PTPRN2: variants seen among roughly 807,000 people sequenced by gnomAD.
PTPRN2 encodes protein tyrosine phosphatase receptor type N2, also known as receptor-type tyrosine-protein phosphatase N2.
A neutral mutation model predicts 118.8 loss-of-function variants in PTPRN2; 74 were observed. That is an observed-to-expected ratio of 0.62 (90% CI 0.52 to 0.76). PTPRN2 has a LOEUF of 0.76. PTPRN2 is among the 30% of genes least tolerant of loss of function. PTPRN2 has a pLI of 0.00. For synonymous variants in PTPRN2, 641 were observed against 608.0 expected, an observed-to-expected ratio of 1.05 and a Z score of -0.80; for missense variants, 1,481 against 1,394.4, an observed-to-expected ratio of 1.06 and a Z score of -0.99.
intron 11 of PTPRN2, among the ~76,000 whole-genome samples, chr7:158,040,010 G>A (rs1049365509): frequency 6.6e-6 from 1 of 150,910 alleles, no homozygotes; most frequent in Non-Finnish European, 1.5e-5. Context: ...CATAGCTGAG[G>A]AATAATCAGT....
chr7:158,161,209 C>T (rs1175154554), intron 6 of PTPRN2, among the ~76,000 whole-genome samples: 1 of 152,108 alleles, frequency 6.6e-6, no homozygotes, highest in Non-Finnish European at 1.5e-5. Flanking sequence ...TTTTTGGATA[C>T]AAGCAAGTTT....
chr7:157,601,448 GA>G lies in PTPRN2; in HGVS notation c.2418+2553del, dbSNP rs5888722. 5.4e-5 allele frequency among the ~76,000 whole-genome samples: 8 copies of G among 148,682 alleles called. No homozygotes were observed. The South Asian group carries it at 8.6e-4, about 16-fold the overall frequency. ...GCTTCATTCTTACAACCCAAATTTG[GA>G]AAAAAAAAAGAATTGTGGTATGAAA... On this transcript the variant is annotated intron_variant, in intron 16 of 22. Coordinates refer to ENST00000389418, the MANE Select transcript of PTPRN2 (RefSeq NM_002847.5).
intron 1 of PTPRN2, among the ~76,000 whole-genome samples, chr7:158,566,267 T>C (rs746411493): frequency 6.6e-6 from 1 of 151,946 alleles, no homozygotes; most frequent in African/African-American, 2.4e-5. Context: ...GGCAGGAGAA[T>C]TGCTTGAACC....
At chr7:158,288,708 T>C (rs1462803955) in intron 3 of PTPRN2, among the ~76,000 whole-genome samples, 1 of 152,242 alleles carries the variant, frequency 6.6e-6, no homozygotes, top group African/African-American at 2.4e-5. Context: ...ACTTAAGTGA[T>C]TTGTACACCA....
rs1476071459 is a variant in PTPRN2, at chr7:157,764,802, T to C, written c.1789-81865A>G. ...GCATACAGCAGGGGACAGGAGCCGA[T>C]TGTCTGTCCTACAGCTGGGAAATGA... On this transcript the variant is annotated intron_variant, in intron 12 of 22. Coordinates refer to ENST00000389418, the MANE Select transcript of PTPRN2 (RefSeq NM_002847.5). This position sits in a 1 kb window ranked among gnomAD's most constrained non-coding sequence, Gnocchi z 4.5. Among the ~76,000 whole-genome samples, 5 of 152,164 alleles carry C rather than the reference T, an allele frequency of 3.3e-5. No individual in the cohort carries two copies. Among genetic ancestry groups the C allele is most frequent in the African/African-American group, 7.2e-5 (3 of 41,414 alleles).
At chr7:158,119,128 C>T (rs902904375) in intron 9 of PTPRN2, among the ~76,000 whole-genome samples, 2 of 152,020 alleles carry the variant, frequency 1.3e-5, no homozygotes, top group African/African-American at 2.4e-5. Flanking sequence ...TTTAAGAAAC[C>T]TCATAATGTA....
chr7:158,050,219 G>A (rs1341289128), intron 11 of PTPRN2, among the ~76,000 whole-genome samples: 3 of 152,066 alleles, frequency 2.0e-5, no homozygotes, highest in Admixed American at 6.5e-5. Context: ...AAATATTCAG[G>A]GAATGCAGCC....
intron 2 of PTPRN2, among the ~76,000 whole-genome samples, chr7:158,402,284 C>T (rs541306695): frequency 1.3e-5 from 2 of 152,254 alleles, no homozygotes; most frequent in Non-Finnish European, 2.9e-5. Flanking sequence ...CTAGGAGGCA[C>T]ATGCCCCAGC....
At chr7:158,449,279 A>C (rs1817935583) in intron 2 of PTPRN2, among the ~76,000 whole-genome samples, 1 of 152,202 alleles carries the variant, frequency 6.6e-6, no homozygotes, top group East Asian at 1.9e-4. Flanking sequence ...ACTCAAGCTC[A>C]AGAAGCTTCC....
chr7:157,887,165 G>T (rs1430654050), intron 12 of PTPRN2, among the ~76,000 whole-genome samples: 2 of 152,096 alleles, frequency 1.3e-5, no homozygotes, highest in African/African-American at 2.4e-5. Context: ...CCAACCAAAG[G>T]CTTATCTGGG....
chr7:157,607,642 G>A (rs745451606), intron 15 of PTPRN2, among the ~76,000 whole-genome samples: 56 of 152,230 alleles, frequency 3.7e-4, no homozygotes, highest in Admixed American at 1.1e-3. Context: ...TCAGGGCAGC[G>A]TGCTGGGAGC....
intron 2 of PTPRN2, among the ~76,000 whole-genome samples, chr7:158,328,793 T>TCCCCCC (rs368096894): frequency 3.0e-5 from 4 of 133,954 alleles, no homozygotes; most frequent in African/African-American, 1.1e-4. Context: ...GGGCCTCCAT[T>TCCCCCC]CCCCCCCCCC....
chr7:158,196,305 C>T (rs770566967), intron 4 of PTPRN2, among the ~76,000 whole-genome samples: 22 of 152,206 alleles, frequency 1.4e-4, no homozygotes, highest in Non-Finnish European at 2.6e-4. Flanking sequence ...TTTCCCCAGA[C>T]CTTCAGCTCT....
rs759075673 is a variant in PTPRN2, at chr7:157,785,122, C to A, written c.1789-102185G>T. 1.3e-5 allele frequency among the ~76,000 whole-genome samples: 2 copies of A among 152,028 alleles called. No individual in the cohort carries two copies. Among genetic ancestry groups the A allele is most frequent in the East Asian group, 1.9e-4 (1 of 5,154 alleles). On this transcript the variant is annotated intron_variant, in intron 12 of 22. Transcript: ENST00000389418. The surrounding 1 kb of genome is among the most constrained non-coding windows in gnomAD (Gnocchi z 7.3). ...GTGTGTTTCCAGAATGTTGGCACAG[C>A]GGCGAGAAGGCTGACCGAACACCGA... is the stretch of plus-strand genomic sequence containing the variant.
chr7:158,175,367 G>GA (rs1824095490), intron 5 of PTPRN2, among the ~76,000 whole-genome samples: 1 of 152,198 alleles, frequency 6.6e-6, no homozygotes, highest in African/African-American at 2.4e-5. Flanking sequence ...GCTCGTGAAT[G>GA]TGGGGTTGGG....
chr7:157,656,432 T>C lies in PTPRN2; in HGVS notation c.2121A>G (p.Ala707=), dbSNP rs1157923544. The stretch of plus-strand genomic sequence containing the variant: ...CGGACCAGGATGAGGCGCTGCTGCG[T>C]GCGGAGGGGCTGGGGATCGGCCCGT... ...FSDGPIPSPS[A]RSSASSWSEE... is the part of the protein sequence containing the mutation. Residue 707 remains alanine, a synonymous_variant, in exon 14 of 23, where the codon GCA becomes GCG. Transcript: ENST00000389418. The C allele has an allele frequency of 1.3e-6, 2 of 1,554,002 alleles. No individual in the cohort carries two copies. Among genetic ancestry groups the C allele is most frequent in the Non-Finnish European group, 1.7e-6 (2 of 1,148,966 alleles).
At chr7:158,420,580 G>A (rs1003484526) in intron 2 of PTPRN2, among the ~76,000 whole-genome samples, 11 of 152,254 alleles carry the variant, frequency 7.2e-5, no homozygotes, top group Admixed American at 2.0e-4. Context: ...GACAAATATC[G>A]TGCATAAGCA....
At chr7:158,571,514 C>T (rs1299187664) in intron 1 of PTPRN2, among the ~76,000 whole-genome samples, 1 of 134,328 alleles carries the variant, frequency 7.4e-6, no homozygotes, top group Admixed American at 7.7e-5. Flanking sequence ...AAAAAAAACA[C>T]ACACCTATTT....
rs1414765476 is a variant in PTPRN2 at position 157,731,564 on chromosome 7, C to A, written c.1789-48627G>T. Among the ~76,000 whole-genome samples the A allele has an allele frequency of 6.8e-5, 7 of 102,730 alleles. No individual in the cohort carries two copies. The South Asian group carries it at 1.4e-3, about 20-fold the overall frequency. The allele number at this position is 102,730 out of a possible 152,430, so 67.4% of individuals were successfully genotyped here. ...CACAGTTACCCTTTCCCGTCCCATG[C>A]GCCCAGCACAGTTACTCTTTTCCAC... On this transcript the variant is annotated intron_variant, in intron 12 of 22. Transcript: ENST00000389418.
Sources: allele counts gnomAD v4.1 joint callset (sites outside exome capture counted in the v4.1 genomes callset), GRCh38; gene constraint gnomAD v4.1.1; non-coding constraint Gnocchi (gnomAD v3.1); transcripts MANE v1.5; gene names NCBI Gene and HGNC (gene_info 2026-07-23, HGNC 2026-07-21).